The following SYT16 variants were observed in gnomAD, a reference collection of about 807,000 sequenced individuals.
SYT16 encodes synaptotagmin 16.
Under a neutral mutation model 61.4 loss-of-function variants are expected in SYT16, and 42 were observed. The observed-to-expected ratio is 0.68, with a 90% CI of 0.53 to 0.89. The LOEUF (loss-of-function observed/expected upper bound fraction) is 0.89, where lower values mean the gene tolerates loss of function less well. Among genes scored for constraint, SYT16 ranks in the 40% least tolerant of loss-of-function variants. The pLI is 0.00. For missense variants in SYT16, 804 were observed against 807.3 expected, an observed-to-expected ratio of 1.00 and a Z score of 0.05; for synonymous variants, 314 against 302.3, an observed-to-expected ratio of 1.04 and a Z score of -0.40.
Position 61,845,039 on chromosome 14 carries a change from C to CTTT in SYT16, c.-325+32253_-325+32255dup, listed in dbSNP as rs35131511. Among the ~76,000 whole-genome samples, 142 of 97,616 alleles carry CTTT rather than the reference C, an allele frequency of 1.5e-3. 17 individuals are homozygous for CTTT. Among genetic ancestry groups the CTTT allele is most frequent in the African/African-American group, 5.3e-3 (112 of 20,980 alleles). The allele number at this position is 97,616 out of a possible 152,430, so 64.0% of individuals were successfully genotyped here. A position where few individuals can be genotyped will look rare whatever the true frequency, so the allele number is the denominator to read the frequency against. On this transcript the variant is annotated intron_variant, in intron 1 of 7. Transcript: ENST00000683842. ...TTGCAAGCTTTTCTTTACTAGAAGACTTTTTTTTTTTTTTTTTTTTTTTTT... is the reference window on the plus strand; with the variant it reads ...TTGCAAGCTTTTCTTTACTAGAAGACTTTTTTTTTTTTTTTTTTTTTTTTTTTT...
intron 1 of SYT16, among the ~76,000 whole-genome samples, chr14:61,929,781 G>A (rs541459786): frequency 2.6e-5 from 4 of 152,310 alleles, no homozygotes; most frequent in African/African-American, 9.6e-5. Context: ...TTTGTTATCA[G>A]GGTGATTGAA....
chr14:62,080,696 A>G (rs746736372), intron 5 of SYT16, 138 bp from the exon 6 acceptor site: 3 of 828,032 alleles, frequency 3.6e-6, no homozygotes, highest in Non-Finnish European at 5.7e-6. Context: ...ACCAGTAAAC[A>G]GACCTATCTG....
intron 1 of SYT16, among the ~76,000 whole-genome samples, chr14:61,949,892 A>C (rs1229228108): frequency 6.6e-6 from 1 of 152,212 alleles, no homozygotes; most frequent in Non-Finnish European, 1.5e-5. Flanking sequence ...CTATGAAATC[A>C]GGGCTTTGTT....
chr14:62,083,371 C>T (rs115854889), intron 6 of SYT16, among the ~76,000 whole-genome samples: 257 of 152,292 alleles, frequency 1.7e-3, no homozygotes, highest in African/African-American at 6.0e-3. Flanking sequence ...GGATTGCCTG[C>T]CCCCACAGGG....
chr14:62,056,812 A>G (rs766951768), intron 3 of SYT16, among the ~76,000 whole-genome samples: 15 of 152,318 alleles, frequency 9.8e-5, no homozygotes, highest in Non-Finnish European at 1.6e-4. Flanking sequence ...ACTGGAGGCA[A>G]TGAAGACACG....
In SYT16 at chr14:62,045,576, A is replaced by G. The variant is rs2054939231; in HGVS notation, c.524-24027A>G. On this transcript the variant is annotated intron_variant, in intron 3 of 7. Transcript: ENST00000683842. ...ATTAACTCGTCATTTAACATTAGGT[A>G]TATCTCCTAATGCTATCTCTCCCCA... is the stretch of plus-strand genomic sequence containing the variant. Among the ~76,000 whole-genome samples, 4 of 152,084 alleles carry G rather than the reference A, an allele frequency of 2.6e-5. No individual in the cohort carries two copies. In the South Asian group the frequency reaches 6.2e-4, roughly 24 times the overall value.
At chr14:61,835,537 C>T (rs1192358929) in intron 1 of SYT16, among the ~76,000 whole-genome samples, 4 of 150,918 alleles carry the variant, frequency 2.7e-5, no homozygotes, top group Admixed American at 6.6e-5. Flanking sequence ...GGATTACAGG[C>T]GTGAGCCACT....
intron 1 of SYT16, among the ~76,000 whole-genome samples, chr14:61,898,193 A>T (rs987220452): frequency 4.6e-5 from 7 of 152,220 alleles, no homozygotes; most frequent in Non-Finnish European, 7.3e-5. Context: ...AATAAATGTG[A>T]ACAGTCAGAA....
chr14:62,042,002 A>G (rs2054750818), intron 3 of SYT16, among the ~76,000 whole-genome samples: 1 of 152,056 alleles, frequency 6.6e-6, no homozygotes, highest in African/African-American at 2.4e-5. Context: ...CTCTTTACCT[A>G]TCAGGTTCAA....
At chr14:61,874,144 A>G (rs2047414838) in intron 1 of SYT16, among the ~76,000 whole-genome samples, 1 of 152,240 alleles carries the variant, frequency 6.6e-6, no homozygotes, top group African/African-American at 2.4e-5. Flanking sequence ...TGTGAACTCT[A>G]GTTGCATAGA....
intron 3 of SYT16, among the ~76,000 whole-genome samples, chr14:62,001,410 G>T (rs2053009160): frequency 6.6e-6 from 1 of 151,986 alleles, no homozygotes; most frequent in East Asian, 1.9e-4. Flanking sequence ...CTTTAAGATT[G>T]CCATTTCACT....
chr14:61,886,912 C>CTTTTTA (rs2047930727), intron 1 of SYT16, among the ~76,000 whole-genome samples: 12 of 101,860 alleles, frequency 1.2e-4, no homozygotes, highest in South Asian at 6.1e-4. Context: ...TTTTTTTTTT[C>CTTTTTA]CTTTTTATGG....
intron 1 of SYT16, among the ~76,000 whole-genome samples, chr14:61,944,361 T>C (rs540405888): frequency 6.6e-6 from 1 of 152,318 alleles, no homozygotes; most frequent in African/African-American, 2.4e-5. Flanking sequence ...ATTGACTTTC[T>C]TCACGGAATT....
intron 1 of SYT16, among the ~76,000 whole-genome samples, chr14:61,913,704 T>TTGCGTGTGTG (rs1555356234): frequency 1.4e-5 from 2 of 145,758 alleles, no homozygotes; most frequent in Non-Finnish European, 3.0e-5. Context: ...CTTTGGGTCT[T>TTGCGTGTGTG]TGTGTGTGTG....
intron 1 of SYT16, among the ~76,000 whole-genome samples, chr14:61,813,522 G>C (rs893988507): frequency 2.0e-5 from 3 of 152,232 alleles, no homozygotes; most frequent in African/African-American, 4.8e-5. Context: ...TTCAAAGGGA[G>C]TTCAGAGTAA....
chr14:61,911,407 G>A (rs1279831866), intron 1 of SYT16, among the ~76,000 whole-genome samples: 1 of 152,194 alleles, frequency 6.6e-6, no homozygotes, highest in Non-Finnish European at 1.5e-5. Flanking sequence ...CATTCTTACA[G>A]TTCTGGATTA....
intron 1 of SYT16, among the ~76,000 whole-genome samples, chr14:61,966,921 T>G (rs1448274652): frequency 6.6e-6 from 1 of 152,226 alleles, no homozygotes; most frequent in East Asian, 1.9e-4. Context: ...AATTATTTAT[T>G]GAATGTTTAC....
intron 3 of SYT16, among the ~76,000 whole-genome samples, chr14:62,020,605 A>G (rs1174755653): frequency 6.6e-6 from 1 of 152,034 alleles, no homozygotes; most frequent in Non-Finnish European, 1.5e-5. Context: ...CCATGTTTTC[A>G]TTTCCCTCTC....
At chr14:61,931,349 T>A (rs1715772611) in intron 1 of SYT16, among the ~76,000 whole-genome samples, 1 of 152,232 alleles carries the variant, frequency 6.6e-6, no homozygotes, top group Non-Finnish European at 1.5e-5. Context: ...CAACATATAT[T>A]CTTTCTCTTA....
Sources: gnomAD v4.1 joint callset for allele counts (sites outside exome capture counted in the v4.1 genomes callset) on GRCh38, gnomAD v4.1.1 for gene constraint, MANE v1.5 for transcripts, NCBI Gene and HGNC (gene_info 2026-07-23, HGNC 2026-07-21) for gene names.